Variants in ESRRG observed in about 807,000 individuals in gnomAD.
ESRRG encodes estrogen-related receptor gamma.
In ESRRG, 13 loss-of-function variants were observed where a neutral mutation model predicts 44.0. The ratio of observed to expected loss-of-function variants is 0.30; its 90% CI spans 0.19 to 0.47. The LOEUF is 0.47. Ranked by LOEUF, ESRRG falls within the 20% of genes least tolerant of loss-of-function variation. The probability of loss-of-function intolerance (pLI) is 1.00; values close to 1 mark genes in which losing one functional copy is unlikely to be tolerated. For synonymous variants in ESRRG, 215 were observed against 214.6 expected, an observed-to-expected ratio of 1.00 and a Z score of -0.02; for missense variants, 395 against 580.6, an observed-to-expected ratio of 0.68 and a Z score of 3.29.
At chr1:216,582,519 G>T (rs2062987926) in intron 3 of ESRRG, among the ~76,000 whole-genome samples, 1 of 152,070 alleles carries the variant, frequency 6.6e-6, no homozygotes, top group African/African-American at 2.4e-5. Flanking sequence ...TCAGCTCACT[G>T]CAGCCTCTGC....
At chr1:217,031,738 C>G (rs193074784) in intron 1 of ESRRG, among the ~76,000 whole-genome samples, 141 of 152,242 alleles carry the variant, frequency 9.3e-4, no homozygotes, top group African/African-American at 3.2e-3. Flanking sequence ...GCCATTCTCA[C>G]GATGATAAGT....
chr1:216,755,970 T>TA (rs2092416489), intron 2 of ESRRG, among the ~76,000 whole-genome samples: 1 of 151,952 alleles, frequency 6.6e-6, no homozygotes, highest in African/African-American at 2.4e-5. Flanking sequence ...ACAGGGAATC[T>TA]AAAAAAACTA....
chr1:217,039,625 T>C (rs1159670338), intron 1 of ESRRG, among the ~76,000 whole-genome samples: 1 of 152,182 alleles, frequency 6.6e-6, no homozygotes. Flanking sequence ...TCCCATAATA[T>C]GTGGGAACCA....
At chr1:216,863,982 G>T (rs2096099119) in intron 2 of ESRRG, 1 of 152,022 alleles carries the variant, frequency 6.6e-6, no homozygotes, top group Admixed American at 6.6e-5. Flanking sequence ...TTGCATTTGG[G>T]ACATCCTAGC....
chr1:216,823,131 G>A (rs757154112), intron 2 of ESRRG, among the ~76,000 whole-genome samples: 8 of 151,596 alleles, frequency 5.3e-5, no homozygotes, highest in African/African-American at 7.3e-5. Flanking sequence ...TCTCGGTGCC[G>A]GATTTCATCT....
intron 3 of ESRRG, among the ~76,000 whole-genome samples, chr1:216,621,272 A>T (rs2062190726): frequency 6.6e-6 from 1 of 152,208 alleles, no homozygotes; most frequent in Non-Finnish European, 1.5e-5. Flanking sequence ...TTGGAAAATT[A>T]TGCCTGTCTA....
intron 1 of ESRRG, among the ~76,000 whole-genome samples, chr1:217,137,223 G>A (rs2093062005): frequency 6.6e-6 from 1 of 152,232 alleles, no homozygotes; most frequent in Non-Finnish European, 1.5e-5. Context: ...TGCAGTTTAT[G>A]TAGTGGCGTT....
At chr1:216,569,945 T>C (rs914064479) in intron 3 of ESRRG, among the ~76,000 whole-genome samples, 1 of 152,186 alleles carries the variant, frequency 6.6e-6, no homozygotes, top group Non-Finnish European at 1.5e-5. Flanking sequence ...GGAATACCGA[T>C]TAATGTCACG....
intron 2 of ESRRG, among the ~76,000 whole-genome samples, chr1:216,775,203 C>A (rs2093555865): frequency 6.6e-6 from 1 of 151,990 alleles, no homozygotes; most frequent in Non-Finnish European, 1.5e-5. Flanking sequence ...TGCCATTTGC[C>A]TTCTGTCACC....
At chr1:216,622,618 G>A (rs945451) in intron 3 of ESRRG, among the ~76,000 whole-genome samples, 123,633 of 150,826 alleles carry the variant, frequency 0.82, 50,828 homozygotes, top group African/African-American at 0.87. Context: ...TTACACACAC[G>A]CACACACACA....
chr1:216,908,875 C>T (rs1158424538), intron 2 of ESRRG, among the ~76,000 whole-genome samples: 11 of 150,696 alleles, frequency 7.3e-5, no homozygotes, highest in African/African-American at 2.7e-4. Context: ...ACAGATTTCG[C>T]TCTTAAATTT....
At chr1:216,516,937 C>T (rs1298273723) in intron 6 of ESRRG, among the ~76,000 whole-genome samples, 1 of 151,948 alleles carries the variant, frequency 6.6e-6, no homozygotes, top group East Asian at 1.9e-4. Flanking sequence ...ATGGGGCTTG[C>T]AGGTTAGGTG....
rs11572473 is a variant in ESRRG, at chr1:216,952,524, C to T, written c.-105-12851G>A. 6.4e-3 allele frequency among the ~76,000 whole-genome samples: 981 copies of T among 152,120 alleles called. 24 individuals carry two copies. Among genetic ancestry groups the T allele is most frequent in the South Asian group, 0.015 (71 of 4,808 alleles). On this transcript the variant is annotated intron_variant, in intron 1 of 7. Transcript: ENST00000359162. The stretch of plus-strand genomic sequence containing the variant: ...GTTTGTTATTATTCCCCCATGGCAT[C>T]CTCCTGTGGCAACCTAACCAGTAAA...
intron 2 of ESRRG, among the ~76,000 whole-genome samples, chr1:216,901,768 AT>A (rs1193909733): frequency 2.3e-4 from 33 of 145,140 alleles, no homozygotes; most frequent in Non-Finnish European, 4.6e-5. Flanking sequence ...TACTTCTTTT[AT>A]TTTTTTCAGG....
At chr1:216,872,120 G>T (rs778922912) in intron 2 of ESRRG, among the ~76,000 whole-genome samples, 3 of 152,084 alleles carry the variant, frequency 2.0e-5, no homozygotes, top group Non-Finnish European at 4.4e-5. Flanking sequence ...CTTAAAATAT[G>T]TGTCACTTCC....
At chr1:217,064,226 T>C (rs187657065) in intron 1 of ESRRG, among the ~76,000 whole-genome samples, 68 of 152,090 alleles carry the variant, frequency 4.5e-4, no homozygotes, top group African/African-American at 1.5e-3. Context: ...GTATGTACAT[T>C]ACACACATAT....
At chr1:216,806,527 A>G (rs2094798175) in intron 2 of ESRRG, among the ~76,000 whole-genome samples, 1 of 152,184 alleles carries the variant, frequency 6.6e-6, no homozygotes, top group African/African-American at 2.4e-5. Context: ...GTGCTTATCA[A>G]CGTGAGGCAT....
intron 1 of ESRRG, among the ~76,000 whole-genome samples, chr1:216,702,845 A>G (rs778460689): frequency 7.2e-5 from 11 of 151,998 alleles, no homozygotes; most frequent in Admixed American, 1.3e-4. Context: ...GAAATCATGT[A>G]CATGTGAATT....
intron 2 of ESRRG, among the ~76,000 whole-genome samples, chr1:216,801,607 T>C (rs987858887): frequency 6.6e-6 from 1 of 152,168 alleles, no homozygotes. Flanking sequence ...ACATTTCTTA[T>C]CTCTTGTCTT....
Sources: gnomAD v4.1 joint callset for allele counts (sites outside exome capture counted in the v4.1 genomes callset) on GRCh38, gnomAD v4.1.1 for gene constraint, MANE v1.5 for transcripts, NCBI Gene and HGNC (gene_info 2026-07-23, HGNC 2026-07-21) for gene names.